The following KDM4C variants were observed in gnomAD, a reference collection of about 807,000 sequenced individuals.
KDM4C encodes lysine demethylase 4C.
Under a neutral mutation model 129.3 loss-of-function variants are expected in KDM4C, and 81 were observed. That is an observed-to-expected ratio of 0.63 (90% CI 0.52 to 0.75). The LOEUF is 0.75. Ranked by LOEUF, KDM4C falls within the 30% of genes least tolerant of loss-of-function variation. KDM4C has a pLI of 0.00. For synonymous variants in KDM4C, 573 were observed against 456.1 expected, an observed-to-expected ratio of 1.26 and a Z score of -3.26; for missense variants, 1,457 against 1,304.0, an observed-to-expected ratio of 1.12 and a Z score of -1.81.
At chr9:6,953,979 C>T in intron 8 of KDM4C, among the ~76,000 whole-genome samples, 1 of 152,170 alleles carries the variant, frequency 6.6e-6, no homozygotes, top group Admixed American at 6.5e-5. Flanking sequence ...CCTTTTCAGC[C>T]TCTCTGAGGT....
At chr9:7,013,513 G>A (rs1563982256) in intron 13 of KDM4C, among the ~76,000 whole-genome samples, 3 of 152,158 alleles carry the variant, frequency 2.0e-5, no homozygotes, top group East Asian at 1.9e-4. Flanking sequence ...TGCTTTCCAC[G>A]AACTAATTTT....
At chr9:7,097,689 A>G (rs1437513334) in intron 17 of KDM4C, among the ~76,000 whole-genome samples, 2 of 152,134 alleles carry the variant, frequency 1.3e-5, no homozygotes, top group African/African-American at 2.4e-5. Context: ...TGCCAGTCCA[A>G]TCGTCTCTTA....
intron 19 of KDM4C, among the ~76,000 whole-genome samples, chr9:7,151,515 T>C (rs1842728003): frequency 6.6e-6 from 1 of 151,912 alleles, no homozygotes; most frequent in Non-Finnish European, 1.5e-5. Flanking sequence ...ATCTCTACTT[T>C]TAAAAAAAAA....
chr9:7,025,644 A>G (rs56063552), intron 15 of KDM4C, among the ~76,000 whole-genome samples: 13,552 of 152,138 alleles, frequency 0.089, 760 homozygotes, highest in East Asian at 0.18. Context: ...AAGAAAACCA[A>G]TAAAAGCTCT....
chr9:6,878,165 T>C (rs1843856695), intron 5 of KDM4C, among the ~76,000 whole-genome samples: 1 of 152,114 alleles, frequency 6.6e-6, no homozygotes, highest in Non-Finnish European at 1.5e-5. Flanking sequence ...AGTTTGAGGA[T>C]TTAGTTCTAC....
rs117183329 is a variant in KDM4C, at chr9:6,776,962, A to T, written c.-17-16010A>T. ...CCATTTGTAGTCTTATCTTTTCCCC[A>T]GGAATTCCTATAGCACTTAGGTTTG... is the stretch of plus-strand genomic sequence containing the variant. On this transcript the variant is annotated intron_variant, in intron 1 of 21. Coordinates refer to ENST00000381309, the MANE Select transcript of KDM4C (RefSeq NM_015061.6). 9.0e-4 allele frequency among the ~76,000 whole-genome samples: 137 copies of T among 152,216 alleles called. 3 individuals are homozygous for T. The East Asian group carries it at 0.011, about 12-fold the overall frequency.
upstream of KDM4C, among the ~76,000 whole-genome samples, chr9:6,757,261 G>A (rs1455513124): frequency 6.6e-6 from 1 of 150,600 alleles, no homozygotes; most frequent in Non-Finnish European, 1.5e-5. Flanking sequence ...ATCAACTCTA[G>A]TTTCTGAGGG....
chr9:7,163,638 GT>G (rs1324898464), intron 19 of KDM4C, among the ~76,000 whole-genome samples: 1 of 152,082 alleles, frequency 6.6e-6, no homozygotes, highest in East Asian at 1.9e-4. Context: ...ACTGACGCAT[GT>G]AATCAGTTTG....
At chr9:6,721,277 T>TG (rs1816944186) in intron 1 of KDM4C, 1 of 155,848 alleles carries the variant, frequency 6.4e-6, no homozygotes, top group Non-Finnish European at 1.3e-5. Flanking sequence ...TTAACTTTTT[T>TG]TTTTTTTTTT....
intron 19 of KDM4C, among the ~76,000 whole-genome samples, chr9:7,147,755 C>G (rs966659462): frequency 1.3e-5 from 2 of 152,224 alleles, no homozygotes; most frequent in African/African-American, 2.4e-5. Flanking sequence ...GCTCCTTGCT[C>G]TGCTAATTAG....
At chr9:7,157,963 C>T (rs551506582) in intron 19 of KDM4C, among the ~76,000 whole-genome samples, 195 of 152,258 alleles carry the variant, frequency 1.3e-3, no homozygotes, top group Admixed American at 4.0e-3. Context: ...TGATAGAATT[C>T]GGCTGTGAAT....
intron 15 of KDM4C, among the ~76,000 whole-genome samples, chr9:7,023,229 A>G (rs575316962): frequency 6.6e-6 from 1 of 152,078 alleles, no homozygotes; most frequent in African/African-American, 2.4e-5. Flanking sequence ...TTCTTATTTA[A>G]ATGTTTGGTA....
intron 8 of KDM4C, among the ~76,000 whole-genome samples, chr9:6,921,145 T>G (rs10975900): frequency 0.22 from 32,846 of 152,164 alleles, 4,524 homozygotes; most frequent in Middle Eastern, 0.39. Flanking sequence ...GCTTTAGGGC[T>G]TAGTCCTCAG....
intron 4 of KDM4C, among the ~76,000 whole-genome samples, chr9:6,849,035 T>C (rs1838360565): frequency 6.6e-6 from 1 of 152,166 alleles, no homozygotes; most frequent in South Asian, 2.1e-4. Context: ...TAGCAGAAGA[T>C]ATATTTTGCT....
At chr9:6,730,765 C>T (rs1483379038) in intron 1 of KDM4C, among the ~76,000 whole-genome samples, 1 of 152,112 alleles carries the variant, frequency 6.6e-6, no homozygotes, top group Admixed American at 6.6e-5. Context: ...AGAGAAGTGA[C>T]TATAGAAATC....
intron 8 of KDM4C, among the ~76,000 whole-genome samples, chr9:6,974,433 C>T (rs1041281662): frequency 2.0e-5 from 3 of 152,214 alleles, no homozygotes; most frequent in African/African-American, 4.8e-5. Context: ...GACCGCGGCT[C>T]ACTGCAACCT....
chr9:6,843,914 A>G (rs971493388), intron 4 of KDM4C, among the ~76,000 whole-genome samples: 1 of 152,104 alleles, frequency 6.6e-6, no homozygotes, highest in African/African-American at 2.4e-5. Flanking sequence ...GCAGTGGCAC[A>G]ATCATGACTC....
At chr9:6,787,554 T>G (rs1564003817) in intron 1 of KDM4C, among the ~76,000 whole-genome samples, 1 of 152,260 alleles carries the variant, frequency 6.6e-6, no homozygotes, top group Non-Finnish European at 1.5e-5. Context: ...CTTCTGTTGC[T>G]TAGACCAGAA....
Position 6,794,723 on chromosome 9 carries a change from C to T in KDM4C, c.144+1591C>T, listed in dbSNP as rs895216916. Among the ~76,000 whole-genome samples the T allele has an allele frequency of 2.0e-5, 3 of 151,890 alleles. No individual in the cohort carries two copies. In the East Asian group the frequency reaches 5.8e-4, roughly 29 times the overall value. On this transcript the variant is annotated intron_variant, in intron 2 of 21. Coordinates refer to ENST00000381309, the MANE Select transcript of KDM4C (RefSeq NM_015061.6). ...AAAATATCATCTTATCTTATTCTTA[C>T]GGGTGCCAGATAATATTCTTAAAAA... is the stretch of plus-strand genomic sequence containing the variant.
Sources: gnomAD v4.1 joint callset for allele counts (sites outside exome capture counted in the v4.1 genomes callset) on GRCh38, gnomAD v4.1.1 for gene constraint, MANE v1.5 for transcripts, NCBI Gene and HGNC (gene_info 2026-07-23, HGNC 2026-07-21) for gene names.